The following FBXO34 variants were observed in gnomAD, a reference collection of about 807,000 sequenced individuals.
FBXO34 encodes F-box protein 34.
A neutral mutation model predicts 24.5 loss-of-function variants in FBXO34; 12 were observed. That is an observed-to-expected ratio of 0.49 (90% CI 0.31 to 0.79). The LOEUF (loss-of-function observed/expected upper bound fraction) is 0.79, where lower values mean the gene tolerates loss of function less well. Ranked by LOEUF, FBXO34 falls within the 30% of genes least tolerant of loss-of-function variation. The pLI is 0.04. For synonymous variants in FBXO34, 320 were observed against 311.9 expected (o/e 1.03, Z -0.27); for missense variants, 823 against 857.7 (o/e 0.96, Z 0.51).
At chr14:55,317,599 A>G (rs959888834) in intron 1 of FBXO34, among the ~76,000 whole-genome samples, 3 of 152,238 alleles carry the variant, frequency 2.0e-5, no homozygotes, top group Non-Finnish European at 2.9e-5. Context: ...ATATGGTGAA[A>G]TACTGTATAG....
downstream of FBXO34, among the ~76,000 whole-genome samples, chr14:55,355,585 T>G (rs117020711): frequency 2.6e-3 from 401 of 152,340 alleles, 1 homozygote; most frequent in South Asian, 5.2e-3. Flanking sequence ...ATAACAACTG[T>G]TTACATTAGG....
In FBXO34 at chr14:55,297,294, T is replaced by C. The variant is rs185908965; in HGVS notation, c.-11+25757T>C. ...CCAAGTAATTTCTTTTTAACTCCTA[T>C]GTCAGTATTAACACAGAGTAGTTCA... On this transcript the variant is annotated intron_variant, in intron 1 of 1. Transcript: ENST00000313833. Among the ~76,000 whole-genome samples, 439 of 152,344 alleles carry C rather than the reference T, an allele frequency of 2.9e-3. 1 individual carries two copies. The highest frequency in any genetic ancestry group is 4.4e-3 in the Non-Finnish European group (296 of 68,032).
the FBXO34 span, chr14:55,395,286 G>C: frequency 3.4e-6 from 1 of 296,732 alleles, no homozygotes; most frequent in Non-Finnish European, 6.9e-6. Flanking sequence ...AGTGCATCTA[G>C]AGCCTCAGCA....
In FBXO34 at chr14:55,351,672, C is replaced by T. The variant is rs757124648; in HGVS notation, c.1282C>T (p.Pro428Ser). 1 of 1,614,138 alleles carries T rather than the reference C, an allele frequency of 6.2e-7. No homozygotes were observed. The highest frequency in any genetic ancestry group is 1.7e-5 in the Admixed American group (1 of 60,020). Residue 428 changes from proline (P) to serine (S), a missense_variant, in exon 2 of 2, where the codon CCC (proline) becomes TCC (serine). Pro to Ser is a moderately conservative substitution (Grantham distance 74). Coordinates refer to ENST00000313833, the MANE Select transcript of FBXO34 (RefSeq NM_017943.4). ...TACCTATTCCCAAGCCTCTGAATTG[C>T]CCACAGATGCTGTTGATTGTATGAG... ...SHTYSQASEL[P>S]TDAVDCMSRE...
chr14:55,374,729 T>C (rs8015211), downstream of FBXO34, among the ~76,000 whole-genome samples: 45,076 of 152,054 alleles, frequency 0.3, 7,067 homozygotes, highest in Non-Finnish European at 0.34. Flanking sequence ...ACTCAACTTT[T>C]CCCCCATATG....
At chr14:55,422,435 G>C in the FBXO34 span, among the ~76,000 whole-genome samples, 8 of 152,076 alleles carry the variant, frequency 5.3e-5, no homozygotes, top group African/African-American at 1.9e-4. Flanking sequence ...ATTTTTAGTA[G>C]AGACAGGGTT....
intron 1 of FBXO34, among the ~76,000 whole-genome samples, chr14:55,339,258 G>A (rs911046837): frequency 1.3e-5 from 2 of 152,002 alleles, no homozygotes; most frequent in East Asian, 3.9e-4. Flanking sequence ...TATGGAAAAT[G>A]TCTCCCTGTG....
chr14:55,369,233 A>T (rs979041805), downstream of FBXO34: 1 of 161,318 alleles, frequency 6.2e-6, no homozygotes, highest in Non-Finnish European at 1.3e-5. Flanking sequence ...TCTAAAACTT[A>T]AAGTGTCAGG....
chr14:55,387,700 G>C, the FBXO34 span, among the ~76,000 whole-genome samples: 2,121 of 152,088 alleles, frequency 0.014, 37 homozygotes, highest in African/African-American at 0.044. Context: ...ACGGAGTTTC[G>C]CTCTTGTTGC....
At chr14:55,437,691 TTTAAG>T in the FBXO34 span, among the ~76,000 whole-genome samples, 4 of 152,258 alleles carry the variant, frequency 2.6e-5, no homozygotes, top group Non-Finnish European at 5.9e-5. Context: ...TACTGTATTA[TTTAAG>T]TTAATTATAA....
chr14:55,404,357 A>T, the FBXO34 span, among the ~76,000 whole-genome samples: 3 of 152,180 alleles, frequency 2.0e-5, no homozygotes, highest in African/African-American at 4.8e-5. Flanking sequence ...CTAAAAGAAA[A>T]CACATGCTCT....
downstream of FBXO34, among the ~76,000 whole-genome samples, chr14:55,371,620 C>T (rs1310210048): frequency 1.3e-5 from 2 of 152,048 alleles, no homozygotes; most frequent in Admixed American, 1.3e-4. Flanking sequence ...TTGGCTAACA[C>T]AGTGAAACCC....
chr14:55,378,580 G>A, the FBXO34 span, among the ~76,000 whole-genome samples: 1,007 of 152,170 alleles, frequency 6.6e-3, 14 homozygotes, highest in African/African-American at 0.023. Flanking sequence ...TTTCCTTAGG[G>A]GTCCACACAG....
At chr14:55,304,646 C>T (rs1384128995) in intron 1 of FBXO34, among the ~76,000 whole-genome samples, 1 of 151,968 alleles carries the variant, frequency 6.6e-6, no homozygotes, top group Non-Finnish European at 1.5e-5. Flanking sequence ...ACCACAAGTA[C>T]ATACCACTGT....
intron 1 of FBXO34, among the ~76,000 whole-genome samples, chr14:55,292,572 A>G (rs906162239): frequency 1.3e-5 from 2 of 152,166 alleles, no homozygotes; most frequent in African/African-American, 4.8e-5. Flanking sequence ...CATGTTGCAC[A>G]GGCTGGTCTT....
chr14:55,385,920 A>C, the FBXO34 span: 4 of 1,614,148 alleles, frequency 2.5e-6, no homozygotes, highest in Non-Finnish European at 3.4e-6. Context: ...AATATATGGG[A>C]TCGTCGAAGA....
At chr14:55,389,432 A>G in the FBXO34 span, among the ~76,000 whole-genome samples, 1 of 152,208 alleles carries the variant, frequency 6.6e-6, no homozygotes, top group South Asian at 2.1e-4. Flanking sequence ...GTGCTGCCCT[A>G]ATTCTCTAGT....
chr14:55,380,876 T>TATATATATATATATATA, the FBXO34 span, among the ~76,000 whole-genome samples: 32 of 84,278 alleles, frequency 3.8e-4, no homozygotes, highest in African/African-American at 9.8e-4. Context: ...TATATATATA[T>TATATATATATATATATA]TTTTTTTTTT....
the FBXO34 span, chr14:55,380,519 T>C: frequency 5.6e-5 from 67 of 1,199,496 alleles, no homozygotes; most frequent in Non-Finnish European, 7.3e-5. Context: ...AAAGACAAAA[T>C]AGAAACTTGA....
Sources: allele counts gnomAD v4.1 joint callset (sites outside exome capture counted in the v4.1 genomes callset), GRCh38; gene constraint gnomAD v4.1.1; transcripts MANE v1.5; gene names NCBI Gene and HGNC (gene_info 2026-07-23, HGNC 2026-07-21).